RALY: variants seen among roughly 807,000 people sequenced by gnomAD.
RALY encodes RNA-binding protein Raly.
RALY carries 15 observed loss-of-function variants against 30.7 expected under a neutral mutation model. The ratio of observed to expected loss-of-function variants is 0.49; its 90% CI spans 0.33 to 0.75. The LOEUF (loss-of-function observed/expected upper bound fraction) is 0.75. Ranked by LOEUF, RALY falls within the 30% of genes least tolerant of loss-of-function variation. RALY has a pLI of 0.02. For missense variants in RALY, 339 were observed against 414.3 expected, an observed-to-expected ratio of 0.82 and a Z score of 1.58; for synonymous variants, 177 against 170.8, an observed-to-expected ratio of 1.04 and a Z score of -0.28.
intron 2 of RALY, among the ~76,000 whole-genome samples, chr20:34,038,790 T>C (rs1359794534): frequency 3.3e-5 from 5 of 152,200 alleles, no homozygotes; most frequent in Non-Finnish European, 5.9e-5. Flanking sequence ...ATATACAAAA[T>C]GGGAATAATA....
At chr20:34,035,737 G>C (rs1248666218) in intron 2 of RALY, among the ~76,000 whole-genome samples, 2 of 152,224 alleles carry the variant, frequency 1.3e-5, no homozygotes, top group Admixed American at 6.5e-5. Flanking sequence ...AGGTGTAGCA[G>C]TGAATAAAAT....
At chr20:34,055,798 A>G (rs1330921863) in intron 2 of RALY, among the ~76,000 whole-genome samples, 3 of 152,208 alleles carry the variant, frequency 2.0e-5, no homozygotes, top group African/African-American at 7.2e-5. Context: ...AGTCACTGTT[A>G]TTAATGTAGA....
At chr20:34,074,751 T>G (rs924607872) in intron 5 of RALY, among the ~76,000 whole-genome samples, 2 of 152,250 alleles carry the variant, frequency 1.3e-5, no homozygotes, top group Non-Finnish European at 2.9e-5. Flanking sequence ...TCTGGGATTC[T>G]GTGGTTCAGT....
chr20:34,020,059 T>A (rs1461410682), intron 1 of RALY, among the ~76,000 whole-genome samples: 2 of 151,840 alleles, frequency 1.3e-5, no homozygotes, highest in East Asian at 3.9e-4. Flanking sequence ...AGACTCTGTC[T>A]CAAAAAAAAA....
At chr20:34,037,226 G>C (rs1378575599) in intron 2 of RALY, among the ~76,000 whole-genome samples, 1 of 152,168 alleles carries the variant, frequency 6.6e-6, no homozygotes, top group Non-Finnish European at 1.5e-5. Flanking sequence ...AGGGTGCTAG[G>C]GCTAGACCCA....
At chr20:34,049,710 TCTTATGA>T (rs551151696) in intron 2 of RALY, among the ~76,000 whole-genome samples, 33 of 152,322 alleles carry the variant, frequency 2.2e-4, no homozygotes, top group African/African-American at 7.7e-4. Flanking sequence ...TTAACTGCAA[TCTTATGA>T]CTTAGGAAAT....
intron 2 of RALY, among the ~76,000 whole-genome samples, chr20:34,057,300 T>C (rs975345741): frequency 9.2e-5 from 14 of 152,184 alleles, no homozygotes; most frequent in East Asian, 1.9e-4. Context: ...TGATTTCATA[T>C]GGTAATTTCA....
intron 1 of RALY, among the ~76,000 whole-genome samples, chr20:34,025,309 CT>C (rs1427054417): frequency 4.3e-3 from 80 of 18,702 alleles, no homozygotes; most frequent in African/African-American, 9.7e-3. Flanking sequence ...CTCTCTCTCT[CT>C]TTTTTTTTTT....
chr20:34,004,704 C>G (rs546448767), intron 1 of RALY, among the ~76,000 whole-genome samples: 2 of 152,248 alleles, frequency 1.3e-5, no homozygotes, highest in African/African-American at 4.8e-5. Flanking sequence ...TACATCATTT[C>G]AAGAAAGAAA....
Position 33,993,982 on chromosome 20 carries a change from GCGGCGGCGA to G in RALY, c.-236_-228del, listed in dbSNP as rs980862501. On this transcript the variant is annotated 5_prime_UTR_variant, in exon 1 of 10. Coordinates refer to ENST00000246194, the MANE Select transcript of RALY (RefSeq NM_016732.3). ...ACCCAGAGAAGCTGAGGGGGCGGTA[GCGGCGGCGA>G]CGGCGACGACGACGACTCCCGCGCG... 5.9e-5 allele frequency: 9 copies of G among 151,914 alleles called. No homozygotes were observed. The highest frequency in any genetic ancestry group is 2.2e-4 in the African/African-American group (9 of 41,414). The allele number at this position is 151,914 out of a possible 1,614,324, so 9.4% of individuals were successfully genotyped here.
At chr20:34,004,792 A>G (rs2031085224) in intron 1 of RALY, among the ~76,000 whole-genome samples, 1 of 152,218 alleles carries the variant, frequency 6.6e-6, no homozygotes, top group Admixed American at 6.5e-5. Context: ...AGGGAATACT[A>G]AAACCTAAAG....
chr20:34,058,469 G>A (rs1033211576), intron 2 of RALY, among the ~76,000 whole-genome samples: 1 of 150,206 alleles, frequency 6.7e-6, no homozygotes, highest in Admixed American at 6.7e-5. Context: ...TGAAAGGAAC[G>A]GTTCACCTGA....
At chr20:34,076,164 C>T in intron 6 of RALY, 124 bp downstream of exon 6, 3 of 1,192,616 alleles carry the variant, frequency 2.5e-6, no homozygotes, top group Non-Finnish European at 3.5e-6. Context: ...GCTGCTCTAA[C>T]ACAGCCAAGT....
At chr20:34,023,265 G>A (rs1024150964) in intron 1 of RALY, among the ~76,000 whole-genome samples, 3 of 152,132 alleles carry the variant, frequency 2.0e-5, no homozygotes, top group African/African-American at 7.2e-5. Context: ...GTATCATTTG[G>A]TAGACAGTGA....
rs1300998448 is a variant in RALY at position 34,080,089 on chromosome 20, ACTC to A, written c.*187_*189del. 1 of 152,026 alleles carries A rather than the reference ACTC, an allele frequency of 6.6e-6. No homozygotes were observed. Among genetic ancestry groups the A allele is most frequent in the Admixed American group, 6.6e-5 (1 of 15,216 alleles). 9.4% of individuals were successfully genotyped at this position (152,026 alleles called of 1,614,324 possible). On this transcript the variant is annotated 3_prime_UTR_variant, in exon 10 of 10. Coordinates refer to ENST00000246194, the MANE Select transcript of RALY (RefSeq NM_016732.3). The stretch of plus-strand genomic sequence containing the variant: ...CCTCTGCAGGTGGAGTTACTGGCCT[ACTC>A]CTTCCCCATGAGCCCTCCCTGTCTG...
chr20:34,076,218 G>A, intron 6 of RALY, 178 bp downstream of exon 6: 1 of 847,936 alleles, frequency 1.2e-6, no homozygotes, highest in Non-Finnish European at 1.8e-6. Context: ...GTTTTAGGAG[G>A]AGGGGTTGTG....
Position 34,012,088 on chromosome 20 carries a change from A to G in RALY, c.-93+17957A>G, listed in dbSNP as rs148654688. On this transcript the variant is annotated intron_variant, in intron 1 of 9. Transcript: ENST00000246194. Reference sequence around the variant, plus strand: ...CTCAAAAAAAAAAAAAAAGAAAAAGAAAAGAAGCAGCTATGGGTCCTGGGC... The same window carrying G: ...CTCAAAAAAAAAAAAAAAGAAAAAGGAAAGAAGCAGCTATGGGTCCTGGGC... Among the ~76,000 whole-genome samples the G allele has an allele frequency of 7.0e-3, 1,060 of 150,886 alleles. 12 individuals are homozygous for G. The highest frequency in any genetic ancestry group is 0.024 in the African/African-American group (995 of 40,970).
chr20:34,079,572 G>C (rs2033987895), intron 9 of RALY, among the ~76,000 whole-genome samples: 1 of 152,192 alleles, frequency 6.6e-6, no homozygotes, highest in Non-Finnish European at 1.5e-5. Flanking sequence ...TACATATGCA[G>C]TCTTCTTTTG....
chr20:34,063,372 G>GA (rs1158939556), intron 2 of RALY, among the ~76,000 whole-genome samples: 1 of 152,140 alleles, frequency 6.6e-6, no homozygotes, highest in African/African-American at 2.4e-5. Flanking sequence ...AGTGGAATGG[G>GA]AATAACACAG....
Sources: allele counts gnomAD v4.1 joint callset (sites outside exome capture counted in the v4.1 genomes callset), GRCh38; gene constraint gnomAD v4.1.1; transcripts MANE v1.5; gene names NCBI Gene and HGNC (gene_info 2026-07-23, HGNC 2026-07-21).